The following EPHB2 variants were observed in gnomAD, a reference collection of about 807,000 sequenced individuals.
EPHB2 encodes ephrin type-B receptor 2.
EPHB2 carries 18 observed loss-of-function variants against 96.4 expected under a neutral mutation model. The ratio of observed to expected loss-of-function variants is 0.19; its 90% confidence interval spans 0.13 to 0.28. The LOEUF (loss-of-function observed/expected upper bound fraction) is 0.28, where lower values mean the gene tolerates loss of function less well. EPHB2 is among the 10% of genes least tolerant of loss of function. The probability of loss-of-function intolerance (pLI) is 1.00; values close to 1 mark genes in which losing one functional copy is unlikely to be tolerated. For synonymous variants in EPHB2, 506 were observed against 534.1 expected, an observed-to-expected ratio of 0.95 and a Z score of 0.72; for missense variants, 989 against 1,355.4, an observed-to-expected ratio of 0.73 and a Z score of 4.25.
chr1:22,819,203 A>T (rs1434815075), intron 3 of EPHB2, among the ~76,000 whole-genome samples: 1 of 59,178 alleles, frequency 1.7e-5, no homozygotes, highest in Non-Finnish European at 3.9e-5. Context: ...CGCCCAGCAG[A>T]TGTCTCTCTC....
intron 5 of EPHB2, among the ~76,000 whole-genome samples, chr1:22,872,175 C>A (rs1365314956): frequency 6.6e-6 from 1 of 152,160 alleles, no homozygotes; most frequent in Non-Finnish European, 1.5e-5. Context: ...AGGCCTCTCT[C>A]CCCTTGCTGA....
At chr1:22,849,082 G>A (rs1307886239) in intron 3 of EPHB2, among the ~76,000 whole-genome samples, 2 of 152,138 alleles carry the variant, frequency 1.3e-5, no homozygotes, top group African/African-American at 4.8e-5. Flanking sequence ...GGGATCACGG[G>A]CAGCTGGGGT....
chr1:22,729,025 G>A (rs913659130), intron 1 of EPHB2, among the ~76,000 whole-genome samples: 14 of 152,240 alleles, frequency 9.2e-5, no homozygotes, highest in Admixed American at 5.9e-4. Context: ...AAACACAGCT[G>A]TGTTTATTCC....
rs140490805 is a variant in EPHB2, at chr1:22,794,790, C to T, written c.811+9714C>T. Among the ~76,000 whole-genome samples, 455 of 152,302 alleles carry T rather than the reference C, an allele frequency of 3.0e-3. 3 individuals are homozygous for T. Among genetic ancestry groups the T allele is most frequent in the Non-Finnish European group, 5.0e-3 (342 of 68,020 alleles). On this transcript the variant is annotated intron_variant, in intron 3 of 15. Transcript: ENST00000374630. ...CTCTCTCGGCCCCAGACTGGCTCAT[C>T]TGGACCCTGAAAACACATAGGCTGC...
At chr1:22,862,487 T>C (rs1638296422) in intron 3 of EPHB2, among the ~76,000 whole-genome samples, 1 of 152,220 alleles carries the variant, frequency 6.6e-6, no homozygotes, top group Admixed American at 6.5e-5. Context: ...TTAAGCAGCT[T>C]GTCTGGGGCT....
chr1:22,776,157 C>T lies in EPHB2; in HGVS notation c.62-5264C>T, dbSNP rs144296829. ...CTCTTAGCTCCCACCACTTCCAGCCCCACCCTTCAGCCAGCGCTTGATTCC... is the reference window on the plus strand; with the variant it reads ...CTCTTAGCTCCCACCACTTCCAGCCTCACCCTTCAGCCAGCGCTTGATTCC... On this transcript the variant is annotated intron_variant, in intron 1 of 15. Coordinates refer to ENST00000374630, the MANE Select transcript of EPHB2 (RefSeq NM_017449.5). Among the ~76,000 whole-genome samples the T allele has an allele frequency of 2.5e-3, 385 of 152,266 alleles. 6 individuals are homozygous for T. Among genetic ancestry groups the T allele is most frequent in the African/African-American group, 8.8e-3 (366 of 41,546 alleles).
intron 5 of EPHB2, among the ~76,000 whole-genome samples, chr1:22,866,213 C>T (rs1333761320): frequency 2.6e-5 from 4 of 152,132 alleles, no homozygotes; most frequent in Non-Finnish European, 5.9e-5. Flanking sequence ...ACTCAGCAAC[C>T]TTTGCCAAAC....
At chr1:22,762,097 C>G (rs965713925) in intron 1 of EPHB2, among the ~76,000 whole-genome samples, 1 of 152,228 alleles carries the variant, frequency 6.6e-6, no homozygotes, top group Non-Finnish European at 1.5e-5. Flanking sequence ...CCTGCCTCCC[C>G]CTCCTCCCAG....
At chr1:22,889,088 G>A (rs1481453104) in intron 6 of EPHB2, among the ~76,000 whole-genome samples, 3 of 152,158 alleles carry the variant, frequency 2.0e-5, no homozygotes, top group African/African-American at 4.8e-5. Flanking sequence ...CTGGGAGGTC[G>A]AGGCTGCAAT....
At chr1:22,747,285 C>T (rs1165760103) in intron 1 of EPHB2, among the ~76,000 whole-genome samples, 4 of 152,204 alleles carry the variant, frequency 2.6e-5, no homozygotes, top group African/African-American at 9.7e-5. Context: ...TTAATAATGG[C>T]TGAAATTTAT....
intron 1 of EPHB2, among the ~76,000 whole-genome samples, chr1:22,717,114 G>A (rs767564606): frequency 2.6e-5 from 4 of 152,246 alleles, no homozygotes; most frequent in Non-Finnish European, 5.9e-5. Flanking sequence ...GGAAAAGACT[G>A]AAATGAAGTG....
In EPHB2 at chr1:22,853,770, G is replaced by C. The variant is rs1645659543; in HGVS notation, c.812-9267G>C. ...AGCATGAGGGAGCTGAAGCTGGCCA[G>C]GTGGACCGTGGAAGGGGAGGCTGAA... On this transcript the variant is annotated intron_variant, in intron 3 of 15. Transcript: ENST00000374630. 3.3e-5 allele frequency among the ~76,000 whole-genome samples: 5 copies of C among 152,260 alleles called. No individual in the cohort carries two copies. The South Asian group carries it at 1.0e-3, about 32-fold the overall frequency.
At chr1:22,825,886 G>A (rs1178508349) in intron 3 of EPHB2, among the ~76,000 whole-genome samples, 1 of 152,226 alleles carries the variant, frequency 6.6e-6, no homozygotes, top group Non-Finnish European at 1.5e-5. Flanking sequence ...CGTCTGGGGG[G>A]ATGCTGGCTG....
At chr1:22,842,840 AC>A (rs1645489608) in intron 3 of EPHB2, among the ~76,000 whole-genome samples, 1 of 145,846 alleles carries the variant, frequency 6.9e-6, no homozygotes, top group Non-Finnish European at 1.5e-5. Context: ...TCCCCCTCTA[AC>A]TCCCCCTAAC....
chr1:22,801,446 G>A (rs1236496678), intron 3 of EPHB2, among the ~76,000 whole-genome samples: 4 of 152,024 alleles, frequency 2.6e-5, no homozygotes, highest in Non-Finnish European at 5.9e-5. Context: ...AGGGGAAACC[G>A]AGCCCCAGAG....
chr1:22,896,352 T>G, intron 8 of EPHB2, 62 bp from the exon 9 acceptor site: 1 of 1,610,612 alleles, frequency 6.2e-7, no homozygotes, highest in Non-Finnish European at 8.5e-7. Flanking sequence ...TATCACCTAC[T>G]GTGGCTCCCA....
intron 3 of EPHB2, among the ~76,000 whole-genome samples, chr1:22,835,063 T>C (rs2148490602): frequency 6.6e-6 from 1 of 152,160 alleles, no homozygotes; most frequent in Middle Eastern, 3.4e-3. Context: ...AAGCATTGTA[T>C]ACAGCACAGG....
intron 1 of EPHB2, among the ~76,000 whole-genome samples, chr1:22,739,388 G>A (rs1005190678): frequency 6.6e-6 from 1 of 152,030 alleles, no homozygotes; most frequent in African/African-American, 2.4e-5. Context: ...GCTAGTTTTT[G>A]TATTTTTAGT....
At chr1:22,744,966 G>A (rs1208320489) in intron 1 of EPHB2, among the ~76,000 whole-genome samples, 2 of 152,238 alleles carry the variant, frequency 1.3e-5, no homozygotes, top group African/African-American at 2.4e-5. Context: ...TTCACGTTGA[G>A]CAGGCTGAGG....
Sources: allele counts gnomAD v4.1 joint callset (sites outside exome capture counted in the v4.1 genomes callset), GRCh38; gene constraint gnomAD v4.1.1; transcripts MANE v1.5; gene names NCBI Gene and HGNC (gene_info 2026-07-23, HGNC 2026-07-21).